Variants in GCNT2 observed in about 807,000 individuals in gnomAD.
The protein encoded by GCNT2 is N-acetyllactosaminide beta-1,6-N-acetylglucosaminyl-transferase.
In GCNT2, 34 loss-of-function variants were observed where a neutral mutation model predicts 34.2. The ratio of observed to expected loss-of-function variants is 1.00; its 90% CI spans 0.76 to 1.32. GCNT2 has a LOEUF of 1.32. GCNT2 is among the 40% of genes most tolerant of loss of function. The pLI, the probability that GCNT2 is intolerant of heterozygous loss-of-function variation, is 0.00. For missense variants in GCNT2, 584 were observed against 489.4 expected (o/e 1.19, Z -1.82); for synonymous variants, 212 against 188.0 (o/e 1.13, Z -1.04).
In GCNT2 at chr6:10,626,466, G is replaced by A. The variant is rs1766260037; in HGVS notation, c.1068G>A (p.Trp356Ter). ...ICIYGNGDLKWLVNSPSLFAN... is the reference protein window; with the variant it reads ...ICIYGNGDLK ...TCTATGGAAACGGAGACTTAAAGTG[G>A]CTGGTTAATTCACCAAGCCTGTTTG... The change falls in exon 5 of 5, where the codon TGG becomes TGA. Residue 356 changes from tryptophan to a stop codon, truncating the protein, a stop_gained. Coordinates refer to ENST00000495262, the MANE Select transcript of GCNT2 (RefSeq NM_145649.5). LOFTEE classifies it high-confidence loss of function. 1 of 1,613,576 alleles carries A rather than the reference G, an allele frequency of 6.2e-7. No homozygotes were observed. The highest frequency in any genetic ancestry group is 8.5e-7 in the Non-Finnish European group (1 of 1,179,624).
intron 3 of GCNT2, chr6:10,556,832 G>A (rs1024307909): frequency 1.9e-6 from 3 of 1,614,192 alleles, no homozygotes; most frequent in Non-Finnish European, 1.7e-6. Flanking sequence ...ATTTAAAGAT[G>A]CGGTAGAGCA....
At chr6:10,622,508 G>C (rs1766077571) in intron 4 of GCNT2, among the ~76,000 whole-genome samples, 1 of 151,784 alleles carries the variant, frequency 6.6e-6, no homozygotes, top group Admixed American at 6.6e-5. Flanking sequence ...CCACCCTAAA[G>C]GTCTCATTTT....
chr6:10,574,408 A>G lies in GCNT2; in HGVS notation c.925+44572A>G, dbSNP rs187800641. Among the ~76,000 whole-genome samples the G allele has an allele frequency of 5.5e-3, 837 of 152,316 alleles. 5 individuals carry two copies. Among genetic ancestry groups the G allele is most frequent in the Non-Finnish European group, 8.0e-3 (545 of 68,032 alleles). ...AAGAAAACTGAGGCTATGAGTGTAA[A>G]TTACTTGCCTACATTCTCTACAAAT... On this transcript the variant is annotated intron_variant, in intron 3 of 4. Transcript: ENST00000495262.
chr6:10,600,212 T>C (rs942071969), intron 3 of GCNT2, among the ~76,000 whole-genome samples: 4 of 152,216 alleles, frequency 2.6e-5, no homozygotes, highest in Non-Finnish European at 4.4e-5. Context: ...ATACTAATAC[T>C]GAAATTTGGG....
chr6:10,607,040 G>A (rs947918177), intron 3 of GCNT2, among the ~76,000 whole-genome samples: 8 of 151,906 alleles, frequency 5.3e-5, no homozygotes, highest in African/African-American at 1.9e-4. Flanking sequence ...ACCGCCTTCC[G>A]GGTTCAAGCG....
rs1298460073 is a variant in GCNT2 at position 10,605,473 on chromosome 6, G to A, written c.926-15878G>A. 2.0e-5 allele frequency among the ~76,000 whole-genome samples: 3 copies of A among 151,720 alleles called. No homozygotes were observed. The East Asian group carries it at 5.9e-4, about 30-fold the overall frequency. Reference sequence around the variant, plus strand: ...GATTCATCTGCCTTGGCCTCCCAAAGTGCTGGGATTACAAGCGTGAGCCAC... The same window carrying A: ...GATTCATCTGCCTTGGCCTCCCAAAATGCTGGGATTACAAGCGTGAGCCAC... On this transcript the variant is annotated intron_variant, in intron 3 of 4. Coordinates refer to ENST00000495262, the MANE Select transcript of GCNT2 (RefSeq NM_145649.5).
intron 3 of GCNT2, among the ~76,000 whole-genome samples, chr6:10,607,004 T>C (rs2127432760): frequency 6.6e-6 from 1 of 152,214 alleles, no homozygotes; most frequent in South Asian, 2.1e-4. Context: ...TGGAGTGCAA[T>C]GGCGTGACCT....
chr6:10,586,908 G>C, intron 3 of GCNT2: 1 of 1,609,798 alleles, frequency 6.2e-7, no homozygotes, highest in South Asian at 1.1e-5. Context: ...ACTTAATAGG[G>C]TTTCAGGTAG....
rs535348384 is a variant in GCNT2 at position 10,584,735 on chromosome 6, C to T, written c.926-36616C>T. On this transcript the variant is annotated intron_variant, in intron 3 of 4. Transcript: ENST00000495262. ...TTTTACCAAGGCACATCCTGCACAGCCCTAGATCCATTAAACCTTGATTCA... is the reference window on the plus strand; with the variant it reads ...TTTTACCAAGGCACATCCTGCACAGTCCTAGATCCATTAAACCTTGATTCA... Among the ~76,000 whole-genome samples, 332 of 152,304 alleles carry T rather than the reference C, an allele frequency of 2.2e-3. 2 individuals are homozygous for T. The highest frequency in any genetic ancestry group is 7.4e-3 in the African/African-American group (307 of 41,548).
chr6:10,598,056 T>C (rs1245812339), intron 3 of GCNT2, among the ~76,000 whole-genome samples: 1 of 152,198 alleles, frequency 6.6e-6, no homozygotes, highest in Non-Finnish European at 1.5e-5. Context: ...ACTTAACCTC[T>C]CTGGGCCTCA....
intron 3 of GCNT2, chr6:10,557,320 G>A (rs1195233772): frequency 6.2e-7 from 1 of 1,613,468 alleles, no homozygotes; most frequent in South Asian, 1.1e-5. Flanking sequence ...AGCATTTCTG[G>A]GTGACACTCA....
chr6:10,540,128 G>GA (rs1320370275), intron 3 of GCNT2, among the ~76,000 whole-genome samples: 1 of 151,642 alleles, frequency 6.6e-6, no homozygotes, highest in Non-Finnish European at 1.5e-5. Flanking sequence ...GTAAAGGATG[G>GA]AAGGAAGGAA....
At chr6:10,625,363 T>A (rs759356852) in intron 4 of GCNT2, among the ~76,000 whole-genome samples, 3 of 152,144 alleles carry the variant, frequency 2.0e-5, no homozygotes, top group African/African-American at 7.2e-5. Context: ...GGCCCAACCC[T>A]TCAGTCTGTG....
rs781492807 is a variant in GCNT2, at chr6:10,529,949, A to G, written c.925+113A>G. On this transcript the variant is annotated intron_variant, in intron 3 of 4. Transcript: ENST00000495262. Reference sequence around the variant, plus strand: ...GGGACAAACTTCTTTACGGTTTTAAATGTCAAATTAAAAAAAAAATTTCAT... The same window carrying G: ...GGGACAAACTTCTTTACGGTTTTAAGTGTCAAATTAAAAAAAAAATTTCAT... The G allele has an allele frequency of 4.5e-5, 41 of 913,330 alleles. 1 individual carries two copies. Among genetic ancestry groups the G allele is most frequent in the African/African-American group, 6.7e-5 (4 of 59,850 alleles). 56.6% of individuals were successfully genotyped at this position (913,330 alleles called of 1,614,324 possible). A position where few individuals can be genotyped will look rare whatever the true frequency, so the allele number is the denominator to read the frequency against.
At chr6:10,625,085 T>C (rs901470031) in intron 4 of GCNT2, among the ~76,000 whole-genome samples, 1 of 152,202 alleles carries the variant, frequency 6.6e-6, no homozygotes. Flanking sequence ...CAATGACTTC[T>C]ACTCTCTATT....
intron 3 of GCNT2, among the ~76,000 whole-genome samples, chr6:10,585,441 C>G (rs1023233748): frequency 6.6e-6 from 1 of 152,068 alleles, no homozygotes; most frequent in African/African-American, 2.4e-5. Context: ...AGAAAGAAAC[C>G]AGAGGAGCCG....
chr6:10,581,990 A>G, intron 3 of GCNT2: 1 of 264,850 alleles, frequency 3.8e-6, no homozygotes, highest in Non-Finnish European at 5.7e-6. Context: ...ACTTATATGT[A>G]TATATAAATA....
intron 3 of GCNT2, among the ~76,000 whole-genome samples, chr6:10,550,329 T>A (rs1247932292): frequency 6.6e-6 from 1 of 151,346 alleles, no homozygotes; most frequent in Non-Finnish European, 1.5e-5. Context: ...AGCCACTGAG[T>A]CCGGCCTAAC....
At chr6:10,588,911 G>T (rs1054788665) in intron 3 of GCNT2, among the ~76,000 whole-genome samples, 11 of 149,866 alleles carry the variant, frequency 7.3e-5, no homozygotes, top group African/African-American at 2.7e-4. Flanking sequence ...TGTGGTGTGT[G>T]TGTAGTGTGT....
Sources: allele counts gnomAD v4.1 joint callset (sites outside exome capture counted in the v4.1 genomes callset), GRCh38; gene constraint gnomAD v4.1.1; transcripts MANE v1.5; gene names NCBI Gene and HGNC (gene_info 2026-07-23, HGNC 2026-07-21).